Variants in GRID2 observed in about 807,000 individuals in gnomAD.
GRID2 encodes the protein glutamate ionotropic receptor delta type subunit 2.
In GRID2, 33 loss-of-function variants were observed where a neutral mutation model predicts 114.8. The ratio of observed to expected loss-of-function variants is 0.29; its 90% CI spans 0.22 to 0.38. GRID2 has a LOEUF of 0.38. Among genes scored for constraint, GRID2 ranks in the 10% least tolerant of loss-of-function variants. GRID2 has a pLI of 1.00. For synonymous variants in GRID2, 505 were observed against 449.9 expected, an observed-to-expected ratio of 1.12 and a Z score of -1.55; for missense variants, 1,184 against 1,257.7, an observed-to-expected ratio of 0.94 and a Z score of 0.89.
At position 92,304,168 on chromosome 4, in the gene GRID2, A is replaced by T. The variant is rs1367673292; in HGVS notation, c.-489A>T. ...CTTTCCTTTCCACTTAGATTCTGGC[A>T]GCGAAGACCAGTGATTCTCTGCGGG... On this transcript the variant is annotated 5_prime_UTR_variant, in exon 1 of 16. Coordinates refer to ENST00000282020, the MANE Select transcript of GRID2 (RefSeq NM_001510.4). 1.2e-5 allele frequency: 2 copies of T among 172,258 alleles called. No individual in the cohort carries two copies. Among genetic ancestry groups the T allele is most frequent in the African/African-American group, 4.9e-5 (2 of 41,224 alleles). The allele number at this position is 172,258 out of a possible 1,614,324, so 10.7% of individuals were successfully genotyped here.
At chr4:93,637,350 G>A (rs1456366890) in intron 14 of GRID2, among the ~76,000 whole-genome samples, 3 of 152,100 alleles carry the variant, frequency 2.0e-5, no homozygotes, top group African/African-American at 7.2e-5. Context: ...CTAAATCACA[G>A]AAATGATTTG....
chr4:92,368,051 A>C (rs1214231761), intron 1 of GRID2, among the ~76,000 whole-genome samples: 1 of 152,130 alleles, frequency 6.6e-6, no homozygotes, highest in Non-Finnish European at 1.5e-5. Context: ...GAAATAAGTA[A>C]GACTCAGAAG....
At chr4:93,020,686 CA>C (rs1181878172) in intron 2 of GRID2, among the ~76,000 whole-genome samples, 1 of 152,108 alleles carries the variant, frequency 6.6e-6, no homozygotes, top group Non-Finnish European at 1.5e-5. Flanking sequence ...AGACTTGTGA[CA>C]ACTTTTCTTT....
chr4:92,661,851 A>G (rs1401094754), intron 2 of GRID2, among the ~76,000 whole-genome samples: 1 of 151,054 alleles, frequency 6.6e-6, no homozygotes, highest in East Asian at 1.9e-4. Context: ...ATCTTTGGCT[A>G]ATGTCCAAGG....
chr4:93,373,761 T>C (rs1763134500), intron 8 of GRID2, among the ~76,000 whole-genome samples: 1 of 152,250 alleles, frequency 6.6e-6, no homozygotes, highest in Non-Finnish European at 1.5e-5. Context: ...GTAGTGGCTA[T>C]GTGCCATTCT....
chr4:93,625,245 A>C (rs1742597977), intron 13 of GRID2, among the ~76,000 whole-genome samples: 1 of 152,210 alleles, frequency 6.6e-6, no homozygotes, highest in Non-Finnish European at 1.5e-5. Flanking sequence ...CATAACCCCA[A>C]AGGCATAGCT....
chr4:92,753,078 T>C (rs570115310), intron 2 of GRID2, among the ~76,000 whole-genome samples: 7 of 152,298 alleles, frequency 4.6e-5, no homozygotes, highest in Admixed American at 1.3e-4. Flanking sequence ...TTTCTGATTG[T>C]TATATAAAAC....
At chr4:93,038,439 C>T (rs1168074692) in intron 2 of GRID2, among the ~76,000 whole-genome samples, 2 of 152,080 alleles carry the variant, frequency 1.3e-5, no homozygotes, top group Admixed American at 1.3e-4. Context: ...TAGAGAAAAG[C>T]AAATCAAAAC....
chr4:93,020,093 G>A (rs1459300135), intron 2 of GRID2, among the ~76,000 whole-genome samples: 1 of 152,116 alleles, frequency 6.6e-6, no homozygotes, highest in Non-Finnish European at 1.5e-5. Flanking sequence ...CACTTACTTT[G>A]TGTGTATTGT....
Position 93,772,503 on chromosome 4 carries a change from C to T in GRID2, c.*5C>T, listed in dbSNP as rs188039051. ...GACCGAGGCACCTCCATATGAGCAT[C>T]AAACAAATCTCTTCACTGTTTCTTT... On this transcript the variant is annotated 3_prime_UTR_variant, in exon 16 of 16. Coordinates refer to ENST00000282020, the MANE Select transcript of GRID2 (RefSeq NM_001510.4). The T allele has an allele frequency of 6.4e-5, 100 of 1,553,038 alleles. No individual in the cohort carries two copies. In the East Asian group the frequency reaches 2.1e-3, roughly 32 times the overall value.
chr4:93,220,916 T>C (rs1173204599), intron 6 of GRID2, among the ~76,000 whole-genome samples: 4 of 152,178 alleles, frequency 2.6e-5, no homozygotes, highest in Non-Finnish European at 4.4e-5. Context: ...AGAAAGCTTA[T>C]GTTGTATTAG....
intron 14 of GRID2, among the ~76,000 whole-genome samples, chr4:93,652,148 AG>A (rs1219301886): frequency 6.6e-6 from 1 of 152,198 alleles, no homozygotes; most frequent in Non-Finnish European, 1.5e-5. Flanking sequence ...GGTTTAAAAA[AG>A]TCACTGGGGC....
At chr4:92,678,439 G>T (rs1733490376) in intron 2 of GRID2, among the ~76,000 whole-genome samples, 1 of 151,994 alleles carries the variant, frequency 6.6e-6, no homozygotes, top group Non-Finnish European at 1.5e-5. Flanking sequence ...TATGTTAAAG[G>T]CCTAATGGGT....
At chr4:93,533,301 CCTTCCTTCCTTCCTTCTTTCCTTT>C (rs1274281652) in intron 13 of GRID2, among the ~76,000 whole-genome samples, 1 of 106,186 alleles carries the variant, frequency 9.4e-6, no homozygotes, top group Admixed American at 9.6e-5. Flanking sequence ...TTCCTTCCTT[CCTTCCTTCCTTCCTTCTTTCCTTT>C]CTTCCTTTCT....
chr4:92,819,003 A>G (rs942891910), intron 2 of GRID2, among the ~76,000 whole-genome samples: 8 of 152,090 alleles, frequency 5.3e-5, no homozygotes, highest in Admixed American at 1.3e-4. Context: ...CTCACTGTAT[A>G]TACCTGAATG....
intron 1 of GRID2, among the ~76,000 whole-genome samples, chr4:92,369,760 A>G (rs1729033486): frequency 6.6e-6 from 1 of 152,200 alleles, no homozygotes. Flanking sequence ...CACTTTGGGG[A>G]AAAAGGCCAA....
At chr4:93,543,845 G>A (rs1021256292) in intron 13 of GRID2, among the ~76,000 whole-genome samples, 1 of 152,106 alleles carries the variant, frequency 6.6e-6, no homozygotes, top group African/African-American at 2.4e-5. Context: ...GGGCGACCTT[G>A]AAAAAGAAAG....
At chr4:93,316,283 C>A (rs12646421) in intron 8 of GRID2, among the ~76,000 whole-genome samples, 54,971 of 97,496 alleles carry the variant, frequency 0.56, 11,372 homozygotes, top group East Asian at 0.69. Context: ...AAGAAAAGAA[C>A]GAAAGAACGA....
intron 8 of GRID2, among the ~76,000 whole-genome samples, chr4:93,263,517 C>T (rs1404697475): frequency 1.3e-5 from 2 of 151,720 alleles, no homozygotes; most frequent in Non-Finnish European, 2.9e-5. Flanking sequence ...AAAATATATC[C>T]TTCTCATTGA....
Sources: gnomAD v4.1 joint callset for allele counts (sites outside exome capture counted in the v4.1 genomes callset) on GRCh38, gnomAD v4.1.1 for gene constraint, MANE v1.5 for transcripts, NCBI Gene and HGNC (gene_info 2026-07-23, HGNC 2026-07-21) for gene names.